UNC13C: variants seen among roughly 807,000 people sequenced by gnomAD.
UNC13C encodes the protein protein unc-13 homolog C.
In UNC13C, 174 loss-of-function variants were observed where a neutral mutation model predicts 245.4. That is an observed-to-expected ratio of 0.71 (90% confidence interval 0.63 to 0.80). The LOEUF (loss-of-function observed/expected upper bound fraction) is 0.80, where lower values mean the gene tolerates loss of function less well. UNC13C is among the 30% of genes least tolerant of loss of function. UNC13C has a pLI of 0.00. For missense variants in UNC13C, 2,829 were observed against 2,602.9 expected (o/e 1.09, Z -1.89); for synonymous variants, 992 against 895.1 (o/e 1.11, Z -1.93).
chr15:54,207,558 A>G (rs911183107), intron 4 of UNC13C, among the ~76,000 whole-genome samples: 15 of 152,066 alleles, frequency 9.9e-5, no homozygotes, highest in Admixed American at 9.8e-4. Context: ...TAAGTTTTTG[A>G]GGGAATGGAA....
chr15:54,494,628 T>C lies in UNC13C; in HGVS notation c.4954T>C (p.Cys1652Arg). The change falls in exon 20 of 33, where the codon TGC becomes CGC. Residue 1652 changes from cysteine (C) to arginine (R), a missense_variant. Transcript: ENST00000260323. ...TATAGAACATGAAAATCAGCGGTTA[T>C]GCAAGAGCACCGATTATATGAATTT... ...ALEEHENQRL[C>R]KSTDYMNLHF... The C allele has an allele frequency of 6.2e-7, 1 of 1,609,254 alleles. No homozygotes were observed.
Position 54,543,417 on chromosome 15 carries a change from G to A in UNC13C, c.5697-3305G>A, listed in dbSNP as rs941697679. 5.9e-5 allele frequency among the ~76,000 whole-genome samples: 9 copies of A among 152,060 alleles called. 1 individual carries two copies. In the South Asian group the frequency reaches 1.5e-3, roughly 25 times the overall value. ...AGAAGCAAGAAAAACAAATTCAAAA[G>A]CTAGGAGAAAAGAAGTAACTAAGAT... is the stretch of plus-strand genomic sequence containing the variant. On this transcript the variant is annotated intron_variant, in intron 26 of 32. Transcript: ENST00000260323.
intron 4 of UNC13C, among the ~76,000 whole-genome samples, chr15:54,222,740 C>T (rs941377160): frequency 9.9e-5 from 15 of 152,200 alleles, no homozygotes; most frequent in African/African-American, 3.4e-4. Flanking sequence ...CTCTCTATAT[C>T]CTTGCCAGCA....
At chr15:54,416,127 T>A (rs1304524786) in intron 19 of UNC13C, among the ~76,000 whole-genome samples, 1 of 152,122 alleles carries the variant, frequency 6.6e-6, no homozygotes, top group Non-Finnish European at 1.5e-5. Flanking sequence ...TTGTGGGCCA[T>A]CGTGAGGAGT....
At chr15:54,542,236 C>T (rs971596390) in intron 26 of UNC13C, among the ~76,000 whole-genome samples, 1 of 152,036 alleles carries the variant, frequency 6.6e-6, no homozygotes, top group Non-Finnish European at 1.5e-5. Context: ...TTATTTATTT[C>T]TGCCTTGATT....
intron 7 of UNC13C, among the ~76,000 whole-genome samples, chr15:54,249,582 T>C (rs2140862656): frequency 6.6e-6 from 1 of 152,326 alleles, no homozygotes; most frequent in Middle Eastern, 3.4e-3. Flanking sequence ...TCAGATCTCC[T>C]ACCTACTTGT....
In UNC13C at chr15:54,448,951, C is replaced by T. The variant is rs527574741; in HGVS notation, c.4933+33884C>T. Reference sequence around the variant, plus strand: ...CCATGTTTAGTGCTTCCTTCAGGAGCTCTTGCAGGGCAGGCCTGGTGATGA... The same window carrying T: ...CCATGTTTAGTGCTTCCTTCAGGAGTTCTTGCAGGGCAGGCCTGGTGATGA... On this transcript the variant is annotated intron_variant, in intron 19 of 32. Transcript: ENST00000260323. Among the ~76,000 whole-genome samples the T allele has an allele frequency of 2.6e-5, 4 of 152,282 alleles. No homozygotes were observed. In the South Asian group the frequency reaches 8.3e-4, roughly 32 times the overall value.
In UNC13C at chr15:54,427,363, AC is replaced by A. The variant is rs200545402; in HGVS notation, c.4933+12298del. Among the ~76,000 whole-genome samples the A allele has an allele frequency of 5.0e-3, 762 of 151,768 alleles. 6 individuals carry two copies. Among genetic ancestry groups the A allele is most frequent in the African/African-American group, 0.017 (712 of 41,460 alleles). On this transcript the variant is annotated intron_variant, in intron 19 of 32. Transcript: ENST00000260323. ...TTCTTCCTCATTTTCTCTTGCTTCC[AC>A]CATGTAAGAAGTGCCTTTCTCTTCC...
At chr15:54,501,057 C>T in intron 22 of UNC13C, 79 bp downstream of exon 22, 1 of 1,430,072 alleles carries the variant, frequency 7.0e-7, no homozygotes, top group Admixed American at 1.9e-5. Context: ...TGGTGTTAGT[C>T]TTCTCTGTCA....
intron 2 of UNC13C, among the ~76,000 whole-genome samples, chr15:54,121,584 A>G (rs892526903): frequency 1.3e-5 from 2 of 152,014 alleles, no homozygotes; most frequent in African/African-American, 4.8e-5. Context: ...CTCAATTATC[A>G]CAGCTTTTTA....
At chr15:54,044,363 G>A in intron 2 of UNC13C, 1 of 247,962 alleles carries the variant, frequency 4.0e-6, no homozygotes, top group Non-Finnish European at 8.5e-6. Context: ...CCACTTTTTG[G>A]CTATTGTGAA....
intron 29 of UNC13C, among the ~76,000 whole-genome samples, chr15:54,565,113 C>G (rs910235038): frequency 4.6e-5 from 7 of 151,942 alleles, no homozygotes; most frequent in Non-Finnish European, 1.0e-4. Context: ...TCTTTGGAAG[C>G]CTTTGCTGGC....
At chr15:53,851,390 T>G in the UNC13C span, among the ~76,000 whole-genome samples, 1 of 152,202 alleles carries the variant, frequency 6.6e-6, no homozygotes, top group African/African-American at 2.4e-5. Flanking sequence ...CTACCTTTAC[T>G]TTAGCCCCAG....
At chr15:54,584,362 C>T (rs984514381) in intron 30 of UNC13C, among the ~76,000 whole-genome samples, 1 of 152,224 alleles carries the variant, frequency 6.6e-6, no homozygotes, top group African/African-American at 2.4e-5. Flanking sequence ...CATTTTCCAA[C>T]TGAAGTCATT....
At chr15:53,922,909 C>G in the UNC13C span, among the ~76,000 whole-genome samples, 1 of 152,242 alleles carries the variant, frequency 6.6e-6, no homozygotes, top group East Asian at 1.9e-4. Context: ...TATAAGTATT[C>G]ATTACTTACC....
rs183805153 is a variant in UNC13C, at chr15:54,410,796, C to T, written c.4848-4186C>T. Among the ~76,000 whole-genome samples, 386 of 152,130 alleles carry T rather than the reference C, an allele frequency of 2.5e-3. 2 individuals carry two copies. Among genetic ancestry groups the T allele is most frequent in the African/African-American group, 8.8e-3 (365 of 41,520 alleles). Reference sequence around the variant, plus strand: ...AATTTGAAGTTAGGTAGTGTGATATCTTTGGCTTGGTTCTTTTTTCTTAAG... The same window carrying T: ...AATTTGAAGTTAGGTAGTGTGATATTTTTGGCTTGGTTCTTTTTTCTTAAG... On this transcript the variant is annotated intron_variant, in intron 18 of 32. Coordinates refer to ENST00000260323, the MANE Select transcript of UNC13C (RefSeq NM_001080534.3).
rs1231810561 is a variant in UNC13C, at chr15:54,546,704, T to C, written c.5697-18T>C. The C allele has an allele frequency of 1.4e-6, 2 of 1,427,128 alleles. No individual in the cohort carries two copies. The highest frequency in any genetic ancestry group is 5.2e-5 in the East Asian group (2 of 38,652). 88.4% of individuals were successfully genotyped at this position (1,427,128 alleles called of 1,614,324 possible). A position where few individuals can be genotyped will look rare whatever the true frequency, so the allele number is the denominator to read the frequency against. The stretch of plus-strand genomic sequence containing the variant: ...TCTGAAATTTAAAAGTGAATATATA[T>C]ATATATTTTTTTTTCAGATTAAGTC... On this transcript the variant is annotated intron_variant, in intron 26 of 32. Transcript: ENST00000260323.
At chr15:53,991,713 C>A (rs934147704) in intron 1 of UNC13C, among the ~76,000 whole-genome samples, 1 of 152,038 alleles carries the variant, frequency 6.6e-6, no homozygotes, top group Non-Finnish European at 1.5e-5. Context: ...TCCATGGCTG[C>A]CACTCCAATG....
chr15:53,987,109 T>C (rs777303434), intron 1 of UNC13C, among the ~76,000 whole-genome samples: 7 of 152,070 alleles, frequency 4.6e-5, no homozygotes, highest in Admixed American at 4.6e-4. Flanking sequence ...TTTAGTGTTT[T>C]CTACAGTATA....
Sources: gnomAD v4.1 joint callset for allele counts (sites outside exome capture counted in the v4.1 genomes callset) on GRCh38, gnomAD v4.1.1 for gene constraint, MANE v1.5 for transcripts, NCBI Gene and HGNC (gene_info 2026-07-23, HGNC 2026-07-21) for gene names.